The following USP10 variants were observed in gnomAD, a reference collection of about 807,000 sequenced individuals.
USP10 encodes ubiquitin specific peptidase 10.
A neutral mutation model predicts 84.5 loss-of-function variants in USP10; 22 were observed. That is an observed-to-expected ratio of 0.26 (90% CI 0.19 to 0.37). USP10 has a LOEUF of 0.37. Among genes scored for constraint, USP10 ranks in the 10% least tolerant of loss-of-function variants. The pLI, the probability that USP10 is intolerant of heterozygous loss-of-function variation, is 1.00. For synonymous variants in USP10, 454 were observed against 387.6 expected (o/e 1.17, Z -2.01); for missense variants, 1,019 against 998.9 (o/e 1.02, Z -0.27).
chr16:84,713,937 G>T (rs182864825), intron 1 of USP10, among the ~76,000 whole-genome samples: 1 of 152,366 alleles, frequency 6.6e-6, no homozygotes, highest in African/African-American at 2.4e-5. Flanking sequence ...AGTTGTCGGG[G>T]CTGCAGCACT....
intron 10 of USP10, among the ~76,000 whole-genome samples, chr16:84,764,935 A>ATATATATAT (rs1913666360): frequency 1.1e-4 from 6 of 56,298 alleles, no homozygotes; most frequent in African/African-American, 4.7e-4. Flanking sequence ...GAGAGAGAAA[A>ATATATATAT]AAAAATATAT....
At chr16:84,765,796 G>A (rs944622021) in intron 10 of USP10, among the ~76,000 whole-genome samples, 2 of 152,204 alleles carry the variant, frequency 1.3e-5, no homozygotes, top group African/African-American at 4.8e-5. Flanking sequence ...CTGGGCTGGA[G>A]TCCCTGGGCA....
intron 3 of USP10, among the ~76,000 whole-genome samples, chr16:84,741,637 T>G (rs531586063): frequency 1.3e-5 from 2 of 152,282 alleles, no homozygotes; most frequent in South Asian, 4.1e-4. Flanking sequence ...TGGCCCTTTT[T>G]CTCCATTCTT....
At chr16:84,777,027 G>A (rs1476604037) in intron 13 of USP10, among the ~76,000 whole-genome samples, 2 of 152,214 alleles carry the variant, frequency 1.3e-5, no homozygotes, top group African/African-American at 4.8e-5. Context: ...TGGCCAGGCT[G>A]GAAGCCTATT....
Position 84,779,091 on chromosome 16 carries a change from T to C in USP10, c.*9T>C. ...GAGTGGACCTGCTGTAAACCCTGTG[T>C]GCGCTGTGTGTGCGCCCAGTGCCCG... On this transcript the variant is annotated 3_prime_UTR_variant, in exon 14 of 14. Coordinates refer to ENST00000219473, the MANE Select transcript of USP10 (RefSeq NM_005153.3). 2 of 1,608,870 alleles carry C rather than the reference T, an allele frequency of 1.2e-6. No homozygotes were observed. The highest frequency in any genetic ancestry group is 1.7e-6 in the Non-Finnish European group (2 of 1,175,798).
intron 10 of USP10, among the ~76,000 whole-genome samples, chr16:84,765,169 A>T (rs1021648279): frequency 6.6e-6 from 1 of 152,068 alleles, no homozygotes; most frequent in East Asian, 1.9e-4. Flanking sequence ...GTGTATATTT[A>T]AAGTATACAC....
intron 1 of USP10, chr16:84,704,660 A>C: frequency 1.4e-6 from 2 of 1,435,138 alleles, no homozygotes; most frequent in South Asian, 3.0e-5. Flanking sequence ...CAGAAAATGT[A>C]GAATTTATCA....
At chr16:84,711,128 C>G (rs369404643) in intron 1 of USP10, among the ~76,000 whole-genome samples, 4 of 152,092 alleles carry the variant, frequency 2.6e-5, no homozygotes, top group Admixed American at 2.6e-4. Flanking sequence ...GTCTTCAGAA[C>G]GAGATTTCAG....
At chr16:84,764,057 G>GTAGTT in intron 9 of USP10, 29 bp from the exon 10 acceptor site, 1 of 1,582,916 alleles carries the variant, frequency 6.3e-7, no homozygotes, top group Non-Finnish European at 8.6e-7. Context: ...GTCGTAAATA[G>GTAGTT]TAGTGTAAGC....
At chr16:84,706,102 G>C (rs952321801) in intron 1 of USP10, among the ~76,000 whole-genome samples, 21 of 152,068 alleles carry the variant, frequency 1.4e-4, no homozygotes, top group African/African-American at 5.1e-4. Flanking sequence ...GGCTGGTCTT[G>C]AACTCCTGGC....
intron 1 of USP10, among the ~76,000 whole-genome samples, chr16:84,704,395 A>C (rs138523217): frequency 2.4e-4 from 36 of 152,352 alleles, no homozygotes; most frequent in Non-Finnish European, 4.1e-4. Flanking sequence ...AAAACAGATA[A>C]ATCTGTTTGC....
intron 1 of USP10, among the ~76,000 whole-genome samples, chr16:84,732,296 G>A (rs1909331035): frequency 6.6e-6 from 1 of 152,178 alleles, no homozygotes; most frequent in Non-Finnish European, 1.5e-5. Flanking sequence ...CATTAGAACA[G>A]AGGAACCACA....
At chr16:84,772,379 G>T (rs935032188) in intron 11 of USP10, among the ~76,000 whole-genome samples, 162 bp from the exon 12 acceptor site, 10 of 152,162 alleles carry the variant, frequency 6.6e-5, no homozygotes, top group Non-Finnish European at 1.2e-4. Flanking sequence ...AGGAGCATTG[G>T]TAGATCTCAG....
intron 11 of USP10, among the ~76,000 whole-genome samples, chr16:84,770,451 T>C: frequency 6.6e-6 from 1 of 152,104 alleles, no homozygotes. Context: ...ATATAGAAAA[T>C]GTCTGCCTTT....
Position 84,715,647 on chromosome 16 carries a change from T to TAAA in USP10, c.21+15541_21+15543dup, listed in dbSNP as rs1298184129. Among the ~76,000 whole-genome samples, 240 of 151,206 alleles carry TAAA rather than the reference T, an allele frequency of 1.6e-3. 4 individuals are homozygous for TAAA. In the East Asian group the frequency reaches 0.025, roughly 16 times the overall value. On this transcript the variant is annotated intron_variant, in intron 1 of 13. Coordinates refer to ENST00000219473, the MANE Select transcript of USP10 (RefSeq NM_005153.3). ...GTTAGGGTGCCCTCCCTTTTTTTTT[T>TAAA]AAAAAAACAAACAAGTAGAGCTCAG...
intron 5 of USP10, 175 bp from the exon 6 acceptor site, chr16:84,759,188 C>A (rs1912916163): frequency 1.5e-6 from 1 of 648,504 alleles, no homozygotes; most frequent in African/African-American, 1.8e-5. Flanking sequence ...ATGGACATCA[C>A]AGGACACTTA....
At chr16:84,762,682 C>T (rs968643852) in intron 8 of USP10, among the ~76,000 whole-genome samples, 1 of 136,184 alleles carries the variant, frequency 7.3e-6, no homozygotes, top group Non-Finnish European at 1.6e-5. Flanking sequence ...CGGAATGAGA[C>T]TTTGTCTCAA....
At chr16:84,764,815 G>C (rs544747037) in intron 10 of USP10, among the ~76,000 whole-genome samples, 1 of 151,226 alleles carries the variant, frequency 6.6e-6, no homozygotes, top group South Asian at 2.1e-4. Flanking sequence ...GGGTGACAGA[G>C]TGAGACTCTG....
intron 2 of USP10, among the ~76,000 whole-genome samples, chr16:84,739,210 C>G (rs1435027434): frequency 6.6e-6 from 1 of 151,686 alleles, no homozygotes; most frequent in Admixed American, 6.6e-5. Flanking sequence ...AGGCACCCAC[C>G]ACCATGCCCG....
Sources: gnomAD v4.1 joint callset for allele counts (sites outside exome capture counted in the v4.1 genomes callset) on GRCh38, gnomAD v4.1.1 for gene constraint, MANE v1.5 for transcripts, NCBI Gene and HGNC (gene_info 2026-07-23, HGNC 2026-07-21) for gene names.